Variants in WWOX observed in about 807,000 individuals in gnomAD.
WWOX encodes the protein WW domain-containing oxidoreductase.
A neutral mutation model predicts 46.2 loss-of-function variants in WWOX; 69 were observed. The ratio of observed to expected loss-of-function variants is 1.49; its 90% CI spans 1.23 to 1.82. The LOEUF (loss-of-function observed/expected upper bound fraction) is 1.82, where lower values mean the gene tolerates loss of function less well. Ranked by LOEUF, WWOX falls within the 40% of genes most tolerant of loss-of-function variation. The probability of loss-of-function intolerance (pLI) is 0.00; values close to 1 mark genes in which losing one functional copy is unlikely to be tolerated. For synonymous variants in WWOX, 359 were observed against 202.6 expected, an observed-to-expected ratio of 1.77 and a Z score of -6.56; for missense variants, 919 against 542.6, an observed-to-expected ratio of 1.69 and a Z score of -6.89.
At chr16:78,728,476 G>C (rs7196255) in intron 8 of WWOX, among the ~76,000 whole-genome samples, 20 of 152,180 alleles carry the variant, frequency 1.3e-4, no homozygotes, top group African/African-American at 4.8e-4. Context: ...AAGACAGCCA[G>C]ATTCTCACTT....
chr16:78,667,900 T>A (rs945819785), intron 8 of WWOX, among the ~76,000 whole-genome samples: 1 of 152,122 alleles, frequency 6.6e-6, no homozygotes, highest in South Asian at 2.1e-4. Flanking sequence ...TCCTTATCTG[T>A]TTCTAGGATG....
chr16:78,436,477 G>C (rs905742565), intron 8 of WWOX, among the ~76,000 whole-genome samples: 2 of 152,210 alleles, frequency 1.3e-5, no homozygotes, highest in Non-Finnish European at 2.9e-5. Flanking sequence ...AGATGACGAA[G>C]ACTGTGGAAT....
chr16:78,625,764 A>G (rs1018936151), intron 8 of WWOX, among the ~76,000 whole-genome samples: 12 of 142,738 alleles, frequency 8.4e-5, no homozygotes, highest in Non-Finnish European at 7.6e-5. Flanking sequence ...TTTGCCAATT[A>G]CTTTTGCAGT....
intron 8 of WWOX, among the ~76,000 whole-genome samples, chr16:79,019,774 G>C (rs1597285935): frequency 2.0e-5 from 3 of 152,118 alleles, no homozygotes; most frequent in African/African-American, 7.2e-5. Context: ...AAGGTAGAAG[G>C]CTTGAGTTTA....
chr16:78,628,304 A>G (rs1296587366), intron 8 of WWOX, among the ~76,000 whole-genome samples: 1 of 152,032 alleles, frequency 6.6e-6, no homozygotes, highest in East Asian at 1.9e-4. Flanking sequence ...CTTTCTTTTC[A>G]GTTCAGTGTT....
intron 8 of WWOX, chr16:78,550,918 C>T (rs868144997): frequency 6.6e-6 from 1 of 151,976 alleles, no homozygotes; most frequent in Admixed American, 6.6e-5. Flanking sequence ...GGGGACTCAG[C>T]ATTAATTGAT....
intron 8 of WWOX, among the ~76,000 whole-genome samples, chr16:79,169,354 CACA>C (rs951382388): frequency 2.0e-5 from 3 of 152,172 alleles, no homozygotes; most frequent in African/African-American, 7.2e-5. Flanking sequence ...CTGCATAAAC[CACA>C]ACAACTGCGT....
At chr16:79,094,315 A>G (rs898389283) in intron 8 of WWOX, among the ~76,000 whole-genome samples, 6 of 146,158 alleles carry the variant, frequency 4.1e-5, no homozygotes, top group Non-Finnish European at 5.9e-5. Context: ...GTGCAATGGC[A>G]CGATCTCGGC....
At chr16:79,170,020 C>T (rs933253474) in intron 8 of WWOX, among the ~76,000 whole-genome samples, 13 of 152,132 alleles carry the variant, frequency 8.5e-5, no homozygotes, top group Non-Finnish European at 1.6e-4. Context: ...CCTTCATTAC[C>T]CCTCCTAAAA....
intron 8 of WWOX, among the ~76,000 whole-genome samples, chr16:78,918,231 G>C (rs574410242): frequency 7.9e-5 from 12 of 151,958 alleles, no homozygotes; most frequent in Non-Finnish European, 1.2e-4. Context: ...AAGAAAGAAA[G>C]AAAGCCCTAT....
intron 5 of WWOX, among the ~76,000 whole-genome samples, chr16:78,330,000 C>T (rs911484415): frequency 6.6e-6 from 1 of 152,144 alleles, no homozygotes; most frequent in African/African-American, 2.4e-5. Context: ...AGCGATCCTC[C>T]AGCCTTGTCC....
intron 8 of WWOX, chr16:78,550,914 T>G (rs1279523911): frequency 6.6e-6 from 1 of 152,168 alleles, no homozygotes; most frequent in African/African-American, 2.4e-5. Flanking sequence ...GGCTGGGGAC[T>G]CAGCATTAAT....
chr16:78,606,458 A>G (rs1375727026), intron 8 of WWOX, among the ~76,000 whole-genome samples: 5 of 145,094 alleles, frequency 3.4e-5, no homozygotes. Flanking sequence ...AGAAAGAAAG[A>G]AAAAAAAAAG....
chr16:78,815,462 C>A (rs1383317557), intron 8 of WWOX, among the ~76,000 whole-genome samples: 1 of 152,180 alleles, frequency 6.6e-6, no homozygotes, highest in Non-Finnish European at 1.5e-5. Flanking sequence ...ACAAACAGTG[C>A]CTTTACTAAA....
intron 8 of WWOX, among the ~76,000 whole-genome samples, chr16:79,044,276 G>A (rs2048026405): frequency 6.6e-6 from 1 of 152,198 alleles, no homozygotes; most frequent in Admixed American, 6.5e-5. Context: ...AGTTCCAGCT[G>A]GCGGTCTGAT....
chr16:78,662,492 G>T (rs2047238642), intron 8 of WWOX, among the ~76,000 whole-genome samples: 1 of 152,140 alleles, frequency 6.6e-6, no homozygotes, highest in Non-Finnish European at 1.5e-5. Context: ...CACCTACCAT[G>T]TAGGTGCTCA....
intron 7 of WWOX, among the ~76,000 whole-genome samples, chr16:78,425,649 A>G (rs886993721): frequency 6.6e-6 from 1 of 152,158 alleles, no homozygotes; most frequent in African/African-American, 2.4e-5. Flanking sequence ...ACATTTGAAA[A>G]TTTCCTCGTA....
intron 8 of WWOX, among the ~76,000 whole-genome samples, chr16:78,877,323 C>T (rs1242343488): frequency 6.6e-6 from 1 of 151,446 alleles, no homozygotes; most frequent in African/African-American, 2.4e-5. Context: ...GCTTTTTCCA[C>T]CTACTGGCCT....
chr16:78,251,116 A>G (rs892636250), intron 5 of WWOX, among the ~76,000 whole-genome samples: 3 of 152,224 alleles, frequency 2.0e-5, no homozygotes, highest in Non-Finnish European at 4.4e-5. Context: ...AGAGATGGCA[A>G]CCGAGGCAGC....
Sources: allele counts gnomAD v4.1 joint callset (sites outside exome capture counted in the v4.1 genomes callset), GRCh38; gene constraint gnomAD v4.1.1; transcripts MANE v1.5; gene names NCBI Gene and HGNC (gene_info 2026-07-23, HGNC 2026-07-21).